The following MTFR1 variants were observed in gnomAD, a reference collection of about 807,000 sequenced individuals.
The protein encoded by MTFR1 is mitochondrial fission regulator 1, also known as chondrocyte protein with a poly-proline region.
A neutral mutation model predicts 38.8 loss-of-function variants in MTFR1; 28 were observed. That is an observed-to-expected ratio of 0.72 (90% CI 0.53 to 0.99). MTFR1 has a LOEUF of 0.99. Among genes scored for constraint, MTFR1 ranks in the 50% least tolerant of loss-of-function variants. The probability of loss-of-function intolerance (pLI) is 0.00; values close to 1 mark genes in which losing one functional copy is unlikely to be tolerated. For missense variants in MTFR1, 358 were observed against 395.5 expected, an observed-to-expected ratio of 0.91 and a Z score of 0.81; for synonymous variants, 145 against 137.0, an observed-to-expected ratio of 1.06 and a Z score of -0.41.
chr8:65,696,943 G>A (rs1338665379), intron 4 of MTFR1, among the ~76,000 whole-genome samples: 2 of 145,736 alleles, frequency 1.4e-5, no homozygotes, highest in African/African-American at 5.1e-5. Context: ...TTACAAGTGT[G>A]AGCCACCGTG....
intron 3 of MTFR1, among the ~76,000 whole-genome samples, chr8:65,747,274 G>T (rs556434079): frequency 1.3e-5 from 2 of 152,302 alleles, no homozygotes; most frequent in African/African-American, 4.8e-5. Context: ...GCGCAAACAA[G>T]TCCCTCGTGC....
chr8:65,746,454 T>C (rs1386733541), intron 3 of MTFR1, among the ~76,000 whole-genome samples: 1 of 152,178 alleles, frequency 6.6e-6, no homozygotes, highest in Non-Finnish European at 1.5e-5. Context: ...TATCTAAATA[T>C]GCTTATAAAA....
intron 2 of MTFR1, among the ~76,000 whole-genome samples, chr8:65,674,646 G>A (rs1011129210): frequency 1.3e-5 from 2 of 152,054 alleles, no homozygotes; most frequent in African/African-American, 4.8e-5. Context: ...GAAATTGCAA[G>A]CTTTTAGATT....
intron 3 of MTFR1, among the ~76,000 whole-genome samples, chr8:65,720,956 C>A (rs1806351527): frequency 6.6e-6 from 1 of 152,186 alleles, no homozygotes; most frequent in Non-Finnish European, 1.5e-5. Flanking sequence ...CATCTTATTT[C>A]ATCCCTCTCA....
At chr8:65,707,384 G>A in intron 6 of MTFR1, 128 bp downstream of exon 6, 1 of 943,346 alleles carries the variant, frequency 1.1e-6, no homozygotes. Flanking sequence ...AAAAAGATGA[G>A]CCCCAGTGGC....
In MTFR1 at chr8:65,710,292, T is replaced by TAACA. The variant is rs1035675170; in HGVS notation, c.*1251_*1254dup. On this transcript the variant is annotated 3_prime_UTR_variant, in exon 8 of 8. Transcript: ENST00000262146. ...AAAATATATGCATTCTCCTAAATAT[T>TAACA]AACAAAAATGATTTGGGGAAATGAC... The TAACA allele has an allele frequency of 1.3e-5, 2 of 152,362 alleles. No homozygotes were observed. Among genetic ancestry groups the TAACA allele is most frequent in the South Asian group, 2.1e-4 (1 of 4,828 alleles). 9.4% of individuals were successfully genotyped at this position (152,362 alleles called of 1,614,324 possible).
intron 2 of MTFR1, among the ~76,000 whole-genome samples, chr8:65,717,166 G>A (rs1389906911): frequency 6.6e-6 from 1 of 152,124 alleles, no homozygotes; most frequent in Non-Finnish European, 1.5e-5. Flanking sequence ...AAAATTATGT[G>A]GCTTGGATTC....
At chr8:65,655,969 C>CATATATATATATATG in intron 1 of MTFR1, among the ~76,000 whole-genome samples, 1 of 56,482 alleles carries the variant, frequency 1.8e-5, no homozygotes, top group African/African-American at 1.0e-4. Context: ...TATATATATA[C>CATATATATATATATG]CATATATATA....
Position 65,709,975 on chromosome 8 carries a change from GA to G in MTFR1, c.*933del, listed in dbSNP as rs1416512025. On this transcript the variant is annotated 3_prime_UTR_variant, in exon 8 of 8. Coordinates refer to ENST00000262146, the MANE Select transcript of MTFR1 (RefSeq NM_014637.4). Reference sequence around the variant, plus strand: ...ATTTCCTATAAATTATCATTGGTCAGAATGCTGTTTTGTTTAATAATATTAC... The same window carrying G: ...ATTTCCTATAAATTATCATTGGTCAGATGCTGTTTTGTTTAATAATATTAC... 1 of 152,454 alleles carries G rather than the reference GA, an allele frequency of 6.6e-6. No homozygotes were observed. The highest frequency in any genetic ancestry group is 1.5e-5 in the Non-Finnish European group (1 of 68,022). 9.4% of individuals were successfully genotyped at this position (152,454 alleles called of 1,614,324 possible).
chr8:65,737,567 C>T (rs1006057991), intron 3 of MTFR1, among the ~76,000 whole-genome samples: 3 of 152,096 alleles, frequency 2.0e-5, no homozygotes, highest in East Asian at 1.9e-4. Context: ...TACAGTGGCG[C>T]GATCTCGGCT....
At chr8:65,773,397 G>C (rs1809167596), downstream of MTFR1, among the ~76,000 whole-genome samples, 1 of 152,112 alleles carries the variant, frequency 6.6e-6, no homozygotes, top group African/African-American at 2.4e-5. Context: ...TTACACATTT[G>C]TCACCTTTTA....
intron 3 of MTFR1, chr8:65,745,357 TG>T: frequency 2.9e-6 from 3 of 1,023,906 alleles, no homozygotes; most frequent in Non-Finnish European, 4.7e-6. Flanking sequence ...GCACCATCAA[TG>T]CAGTAATCTA....
In MTFR1 at chr8:65,730,171, C is replaced by CTTTTTTTTTTT. The variant is rs1179431555; in HGVS notation, c.*48+10706_*48+10716dup. On this transcript the variant is annotated intron_variant, in intron 3 of 3. Coordinates refer to the MTFR1 transcript ENST00000521247. ...TGTGAGGGATCCAGGTTGCGCACTT[C>CTTTTTTTTTTT]TTTTTTTTTTTTTTTTTTTTTTTTT... 1.4e-3 allele frequency among the ~76,000 whole-genome samples: 118 copies of CTTTTTTTTTTT among 86,434 alleles called. 13 individuals carry two copies. The highest frequency in any genetic ancestry group is 4.5e-3 in the African/African-American group (94 of 20,926). 56.7% of individuals were successfully genotyped at this position (86,434 alleles called of 152,430 possible).
At chr8:65,759,906 T>G (rs1012560168) in intron 3 of MTFR1, among the ~76,000 whole-genome samples, 1 of 152,162 alleles carries the variant, frequency 6.6e-6, no homozygotes, top group Non-Finnish European at 1.5e-5. Context: ...TACGTATAAT[T>G]TTTCTTTCAT....
In MTFR1 at chr8:65,725,491, C is replaced by G. The variant is rs1282940098; in HGVS notation, c.*48+6010C>G. On this transcript the variant is annotated intron_variant, in intron 3 of 3. Transcript: ENST00000521247. ...CAATCAGTTATCTGTAAATGAATAT[C>G]CAACTTTTCTGAAAGGAAAAAGGTA... 1.9e-5 allele frequency: 3 copies of G among 154,128 alleles called. No homozygotes were observed. In the East Asian group the frequency reaches 5.8e-4, roughly 30 times the overall value. 9.5% of individuals were successfully genotyped at this position (154,128 alleles called of 1,614,324 possible).
At position 65,708,987 on chromosome 8, in the gene MTFR1, CAT is replaced by C. The variant is rs1212447283; in HGVS notation, c.946_947del (p.Met316ValfsTer12). ...TTGTTTGTTTCTAGTTTGGGCCACA[CAT>C]GTTGAAGCCAACAGGAAAAATGAAG... is the stretch of plus-strand genomic sequence containing the variant. ...TSERVLFGPHMLKPTGKMKAL... is the reference protein window; with the variant it reads ...TSERVLFGPHXLKPTGKMKAL... On this transcript the variant is annotated frameshift_variant, in exon 8 of 8. Transcript: ENST00000262146. LOFTEE classifies it high-confidence loss of function. The C allele has an allele frequency of 1.2e-6, 2 of 1,613,790 alleles. No homozygotes were observed. Among genetic ancestry groups the C allele is most frequent in the African/African-American group, 2.7e-5 (2 of 74,904 alleles).
At chr8:65,708,447 C>T (rs1204967212) in intron 7 of MTFR1, 2 of 296,650 alleles carry the variant, frequency 6.7e-6, no homozygotes, top group South Asian at 3.2e-5. Context: ...TCTCAGGGCA[C>T]CCTGTGAAAG....
intron 2 of MTFR1, among the ~76,000 whole-genome samples, chr8:65,672,510 A>T (rs1225065265): frequency 1.3e-5 from 2 of 150,818 alleles, no homozygotes; most frequent in African/African-American, 4.9e-5. Flanking sequence ...AAATACAGTG[A>T]ATCACTTTTT....
At chr8:65,768,328 T>C (rs913017969) in intron 3 of MTFR1, among the ~76,000 whole-genome samples, 4 of 152,182 alleles carry the variant, frequency 2.6e-5, no homozygotes, top group Non-Finnish European at 4.4e-5. Context: ...GAATTGTAAC[T>C]CCCACAATTC....
Sources: allele counts gnomAD v4.1 joint callset (sites outside exome capture counted in the v4.1 genomes callset), GRCh38; gene constraint gnomAD v4.1.1; transcripts MANE v1.5; gene names NCBI Gene and HGNC (gene_info 2026-07-23, HGNC 2026-07-21).